The following ERBB4 variants were observed in gnomAD, a reference collection of about 807,000 sequenced individuals.
The protein encoded by ERBB4 is receptor tyrosine-protein kinase erbB-4.
A neutral mutation model predicts 158.0 loss-of-function variants in ERBB4; 42 were observed. That is an observed-to-expected ratio of 0.27 (90% CI 0.21 to 0.34). ERBB4 has a LOEUF of 0.34. Ranked by LOEUF, ERBB4 falls within the 10% of genes least tolerant of loss-of-function variation. ERBB4 has a pLI of 1.00. For synonymous variants in ERBB4, 583 were observed against 558.7 expected (o/e 1.04, Z -0.61); for missense variants, 1,333 against 1,624.1 (o/e 0.82, Z 3.08).
At chr2:212,196,468 T>C (rs900700825) in intron 1 of ERBB4, among the ~76,000 whole-genome samples, 5 of 151,958 alleles carry the variant, frequency 3.3e-5, no homozygotes, top group Non-Finnish European at 7.4e-5. Context: ...GCAGGTATAC[T>C]AGGTGTAATT....
At chr2:211,774,611 A>G (rs1426613960) in intron 4 of ERBB4, among the ~76,000 whole-genome samples, 4 of 152,248 alleles carry the variant, frequency 2.6e-5, no homozygotes, top group Admixed American at 6.5e-5. Flanking sequence ...AACGGTTAGG[A>G]TATCGCGGCT....
At chr2:211,936,411 G>C (rs919815221) in intron 3 of ERBB4, among the ~76,000 whole-genome samples, 1 of 151,694 alleles carries the variant, frequency 6.6e-6, no homozygotes, top group Non-Finnish European at 1.5e-5. Flanking sequence ...GAAGAAAAAA[G>C]TTATGGATCA....
At chr2:211,428,553 T>TACATATAGA in intron 21 of ERBB4, 70 bp from the exon 22 acceptor site, 1 of 827,554 alleles carries the variant, frequency 1.2e-6, no homozygotes, top group Non-Finnish European at 2.1e-6. Flanking sequence ...ATTTCCTAAA[T>TACATATAGA]GTGAGTCTTT....
chr2:212,070,774 G>A (rs1231705247), intron 2 of ERBB4, among the ~76,000 whole-genome samples: 1 of 151,922 alleles, frequency 6.6e-6, no homozygotes, highest in Admixed American at 6.6e-5. Flanking sequence ...GACTTTGGGT[G>A]AAGCTTTGGT....
intron 16 of ERBB4, among the ~76,000 whole-genome samples, chr2:211,637,194 T>C (rs2070393867): frequency 6.6e-6 from 1 of 151,888 alleles, no homozygotes; most frequent in Non-Finnish European, 1.5e-5. Flanking sequence ...AGAGGACAAA[T>C]GTATGCTCAG....
At chr2:212,219,953 C>T (rs558549007) in intron 1 of ERBB4, among the ~76,000 whole-genome samples, 7 of 93,498 alleles carry the variant, frequency 7.5e-5, no homozygotes, top group South Asian at 3.0e-4. Context: ...TTTATCAACC[C>T]GCAAAAAAAA....
rs2070058815 is a variant in ERBB4 at position 211,630,357 on chromosome 2, A to G, written c.2079+105T>C. ...CTATAAAATAAAAAACTTAATTAGG[A>G]CACTGAACAGAATTTTACTTGGATT... On this transcript the variant is annotated intron_variant, in intron 17 of 27. Coordinates refer to ENST00000342788, the MANE Select transcript of ERBB4 (RefSeq NM_005235.3). The G allele has an allele frequency of 5.4e-6, 7 of 1,302,066 alleles. 1 individual carries two copies. The South Asian group carries it at 8.6e-5, about 16-fold the overall frequency. 80.7% of individuals were successfully genotyped at this position (1,302,066 alleles called of 1,614,324 possible).
chr2:211,992,059 C>T lies in ERBB4; in HGVS notation c.235-44443G>A, dbSNP rs557521617. 3.3e-5 allele frequency among the ~76,000 whole-genome samples: 5 copies of T among 152,246 alleles called. No individual in the cohort carries two copies. The East Asian group carries it at 9.7e-4, about 29-fold the overall frequency. ...CGTCTTCTGAACCCTCCAAACTGTT[C>T]CAACCTCTGCCTGTTACCCAGTTCC... is the stretch of plus-strand genomic sequence containing the variant. On this transcript the variant is annotated intron_variant, in intron 2 of 27. Transcript: ENST00000342788.
At chr2:212,278,734 G>A (rs898374786) in intron 1 of ERBB4, among the ~76,000 whole-genome samples, 6 of 151,506 alleles carry the variant, frequency 4.0e-5, no homozygotes, top group African/African-American at 1.5e-4. Context: ...AGGTAGAAAA[G>A]CAATCTTCAC....
intron 21 of ERBB4, among the ~76,000 whole-genome samples, chr2:211,429,440 T>A (rs186569260): frequency 1.3e-5 from 2 of 152,256 alleles, no homozygotes; most frequent in East Asian, 3.9e-4. Flanking sequence ...AAATAGGAAC[T>A]ATATAAAAGA....
At chr2:212,323,336 T>A (rs2087658233) in intron 1 of ERBB4, among the ~76,000 whole-genome samples, 1 of 150,684 alleles carries the variant, frequency 6.6e-6, no homozygotes, top group Non-Finnish European at 1.5e-5. Context: ...ATTTTTCTAA[T>A]TCTGATTTTT....
At chr2:211,981,083 CAAT>C (rs2081780246) in intron 2 of ERBB4, among the ~76,000 whole-genome samples, 1 of 144,310 alleles carries the variant, frequency 6.9e-6, no homozygotes, top group Non-Finnish European at 1.5e-5. Flanking sequence ...TTAAAATTAA[CAAT>C]ATTATCTACA....
chr2:212,437,085 T>C (rs2105962301), intron 1 of ERBB4, among the ~76,000 whole-genome samples: 1 of 152,178 alleles, frequency 6.6e-6, no homozygotes, highest in South Asian at 2.1e-4. Context: ...GTAAATTATC[T>C]ACAATAAGGA....
chr2:211,987,341 A>AAAGAAAAAG (rs1553526813), intron 2 of ERBB4, among the ~76,000 whole-genome samples: 1 of 124,416 alleles, frequency 8.0e-6, no homozygotes, highest in Non-Finnish European at 1.6e-5. Flanking sequence ...AAAAAAAAAA[A>AAAGAAAAAG]AAAGAAAGAA....
At chr2:212,206,208 A>T (rs1320776711) in intron 1 of ERBB4, among the ~76,000 whole-genome samples, 4 of 152,106 alleles carry the variant, frequency 2.6e-5, no homozygotes, top group African/African-American at 9.7e-5. Flanking sequence ...TACCACTGTA[A>T]CCTCAGCCCC....
At chr2:212,143,837 G>C (rs561080359) in intron 1 of ERBB4, among the ~76,000 whole-genome samples, 1 of 152,006 alleles carries the variant, frequency 6.6e-6, no homozygotes, top group Admixed American at 6.6e-5. Context: ...CCAATATGGT[G>C]AAAGCCCATC....
chr2:211,992,276 G>A (rs111817739), intron 2 of ERBB4, among the ~76,000 whole-genome samples: 21,618 of 152,036 alleles, frequency 0.14, 1,882 homozygotes, highest in Non-Finnish European at 0.19. Context: ...GGCAGGAGGT[G>A]AAAGGCACTT....
At chr2:212,183,415 A>T (rs371192409) in intron 1 of ERBB4, among the ~76,000 whole-genome samples, 2 of 151,980 alleles carry the variant, frequency 1.3e-5, no homozygotes, top group Non-Finnish European at 2.9e-5. Context: ...ATAGTTACTG[A>T]TTTTCAAACA....
intron 1 of ERBB4, among the ~76,000 whole-genome samples, chr2:212,187,980 T>C (rs943403705): frequency 2.0e-5 from 3 of 152,154 alleles, no homozygotes; most frequent in African/African-American, 7.2e-5. Context: ...AATCCTATAA[T>C]ATTATTTGGT....
Sources: gnomAD v4.1 joint callset for allele counts (sites outside exome capture counted in the v4.1 genomes callset) on GRCh38, gnomAD v4.1.1 for gene constraint, MANE v1.5 for transcripts, NCBI Gene and HGNC (gene_info 2026-07-23, HGNC 2026-07-21) for gene names.